The following LHFPL4 variants were observed in gnomAD, a reference collection of about 807,000 sequenced individuals.
The protein encoded by LHFPL4 is LHFPL tetraspan subfamily member 4 protein.
Under a neutral mutation model 20.0 loss-of-function variants are expected in LHFPL4, and 6 were observed. The observed-to-expected ratio is 0.30, with a 90% CI of 0.16 to 0.59. LHFPL4 has a LOEUF of 0.59. Ranked by LOEUF, LHFPL4 falls within the 20% of genes least tolerant of loss-of-function variation. LHFPL4 has a pLI of 0.88. For missense variants in LHFPL4, 215 were observed against 331.2 expected (o/e 0.65, Z 2.72); for synonymous variants, 129 against 143.8 (o/e 0.90, Z 0.74).
In LHFPL4 at chr3:9,513,895, C is replaced by G. The variant is rs1159292123; in HGVS notation, c.407-7692G>C. On this transcript the variant is annotated intron_variant, in intron 2 of 3. Transcript: ENST00000287585. ...TTGGTTTTGGGGTGTGAGGGTGGCA[C>G]GTGCACTCTTGTAAATGTACTTACT... Among the ~76,000 whole-genome samples, 15 of 152,188 alleles carry G rather than the reference C, an allele frequency of 9.9e-5. No individual in the cohort carries two copies. The South Asian group carries it at 3.1e-3, about 32-fold the overall frequency.
Position 9,506,988 on chromosome 3 carries a change from A to G in LHFPL4, c.407-785T>C, listed in dbSNP as rs1053991764. ...TATACTTTCATTCATGCAGTTGAGC[A>G]CTTTGCTAAGAGCACAGACTATGGA... On this transcript the variant is annotated intron_variant, in intron 2 of 3. Transcript: ENST00000287585. This position sits in a 1 kb window ranked among gnomAD's most constrained non-coding sequence, Gnocchi z 4.5. Among the ~76,000 whole-genome samples the G allele has an allele frequency of 1.3e-5, 2 of 152,222 alleles. No homozygotes were observed. Among genetic ancestry groups the G allele is most frequent in the Non-Finnish European group, 2.9e-5 (2 of 68,046 alleles).
At chr3:9,519,321 C>A (rs555685558) in intron 2 of LHFPL4, among the ~76,000 whole-genome samples, 6 of 151,356 alleles carry the variant, frequency 4.0e-5, no homozygotes, top group Admixed American at 2.0e-4. Flanking sequence ...GTGATCCACC[C>A]GCCTCAGCCT....
intron 2 of LHFPL4, among the ~76,000 whole-genome samples, chr3:9,507,242 C>T (rs908714080): frequency 3.3e-5 from 5 of 152,154 alleles, no homozygotes; most frequent in East Asian, 1.9e-4. Flanking sequence ...ACCAGGCCTG[C>T]GGGGTGGGGA....
At chr3:9,502,403 GCA>G in intron 3 of LHFPL4, 92 bp from the exon 4 acceptor site, 1 of 931,102 alleles carries the variant, frequency 1.1e-6, no homozygotes, top group Non-Finnish European at 1.7e-6. Flanking sequence ...ATTCCCCAGG[GCA>G]CAAGTGGGCA....
At chr3:9,549,818 T>C (rs2046541601) in intron 2 of LHFPL4, among the ~76,000 whole-genome samples, 1 of 152,244 alleles carries the variant, frequency 6.6e-6, no homozygotes, top group South Asian at 2.1e-4. Flanking sequence ...ATTTATCACT[T>C]TCTGAATGGA....
At chr3:9,503,737 T>C (rs1039534926) in intron 3 of LHFPL4, among the ~76,000 whole-genome samples, 4 of 152,350 alleles carry the variant, frequency 2.6e-5, no homozygotes, top group African/African-American at 9.6e-5. Context: ...TTATAAAGCA[T>C]ACAATGTGCC....
chr3:9,498,644 G>A lies in LHFPL4; in HGVS notation c.*3567C>T, dbSNP rs2046147946. On this transcript the variant is annotated 3_prime_UTR_variant, in exon 4 of 4. Coordinates refer to ENST00000287585, the MANE Select transcript of LHFPL4 (RefSeq NM_198560.3). ...AGTCCCACCCAAAGGTTAGCCGTGGGCCAGGCAGGGGCCTGCAGAAGTTTC... is the reference window on the plus strand; with the variant it reads ...AGTCCCACCCAAAGGTTAGCCGTGGACCAGGCAGGGGCCTGCAGAAGTTTC... 2 of 152,676 alleles carry A rather than the reference G, an allele frequency of 1.3e-5. No homozygotes were observed. Among genetic ancestry groups the A allele is most frequent in the African/African-American group, 4.8e-5 (2 of 41,442 alleles). 9.5% of individuals were successfully genotyped at this position (152,676 alleles called of 1,614,324 possible).
rs1325371502 is a variant in LHFPL4 at position 9,552,802 on chromosome 3, C to G, written c.-123G>C. The G allele has an allele frequency of 1.6e-5, 7 of 435,206 alleles. No homozygotes were observed. Among genetic ancestry groups the G allele is most frequent in the Middle Eastern group, 1.1e-3 (1 of 952 alleles). 27.0% of individuals were successfully genotyped at this position (435,206 alleles called of 1,614,324 possible). On this transcript the variant is annotated 5_prime_UTR_variant, in exon 2 of 4. Transcript: ENST00000287585. ...GAGAAGCGGCCCTGAGTCAAGGAAC[C>G]CGCGAGGGCGGGGCCTGGGGCAGAG...
chr3:9,553,056 G>A (rs2046567561), intron 1 of LHFPL4, among the ~76,000 whole-genome samples: 1 of 151,248 alleles, frequency 6.6e-6, no homozygotes, highest in Non-Finnish European at 1.5e-5. Flanking sequence ...TATTACGGGA[G>A]TAGGAGGGGA....
chr3:9,533,650 C>T (rs554223139), intron 2 of LHFPL4, among the ~76,000 whole-genome samples: 3 of 152,054 alleles, frequency 2.0e-5, no homozygotes, highest in African/African-American at 2.4e-5. Context: ...GGTGTGGTGG[C>T]GGGCGCCTGT....
At chr3:9,520,569 G>T (rs1161092277) in intron 2 of LHFPL4, among the ~76,000 whole-genome samples, 2 of 152,020 alleles carry the variant, frequency 1.3e-5, no homozygotes, top group Non-Finnish European at 2.9e-5. Context: ...AGCCAGGTTT[G>T]TCTTGAACTC....
chr3:9,541,424 G>A (rs1440490766), intron 2 of LHFPL4, among the ~76,000 whole-genome samples: 1 of 152,172 alleles, frequency 6.6e-6, no homozygotes, highest in Non-Finnish European at 1.5e-5. Context: ...ATAGCCACAT[G>A]CAAAAGAATG....
chr3:9,517,801 G>GT (rs1162876826), intron 2 of LHFPL4, among the ~76,000 whole-genome samples: 5 of 75,608 alleles, frequency 6.6e-5, no homozygotes, highest in East Asian at 4.8e-4. Flanking sequence ...GGGTTTTTTT[G>GT]TTTTTTGTTT....
intron 2 of LHFPL4, among the ~76,000 whole-genome samples, chr3:9,550,016 G>A (rs2046542692): frequency 6.6e-6 from 1 of 152,124 alleles, no homozygotes; most frequent in African/African-American, 2.4e-5. Context: ...ATAGGCATGA[G>A]CCACCATGCC....
chr3:9,543,639 A>G (rs1401924646), intron 2 of LHFPL4, among the ~76,000 whole-genome samples: 1 of 151,994 alleles, frequency 6.6e-6, no homozygotes, highest in South Asian at 2.1e-4. Flanking sequence ...GCTGCTCCCA[A>G]AGTACTCTGA....
chr3:9,504,552 A>T lies in LHFPL4; in HGVS notation c.643+1415T>A, dbSNP rs531097139. Among the ~76,000 whole-genome samples the T allele has an allele frequency of 4.6e-5, 7 of 152,206 alleles. 1 individual carries two copies. In the South Asian group the frequency reaches 1.5e-3, roughly 32 times the overall value. ...AAAAAATATACTGCCACAGCTGGGC[A>T]CGGTGGCTCACACCTGTAATCCCAG... On this transcript the variant is annotated intron_variant, in intron 3 of 3. Transcript: ENST00000287585.
chr3:9,523,549 T>G (rs949881225), intron 2 of LHFPL4, among the ~76,000 whole-genome samples: 8 of 149,750 alleles, frequency 5.3e-5, no homozygotes, highest in Non-Finnish European at 1.2e-4. Flanking sequence ...TTCAGCTCAC[T>G]GCAACCTCCG....
intron 2 of LHFPL4, among the ~76,000 whole-genome samples, chr3:9,510,398 T>C (rs1434440765): frequency 2.0e-5 from 3 of 149,630 alleles, no homozygotes; most frequent in East Asian, 4.0e-4. Flanking sequence ...AATTGCACCA[T>C]TGCACTACAG....
intron 1 of LHFPL4, among the ~76,000 whole-genome samples, chr3:9,553,404 G>A (rs570441158): frequency 1.3e-5 from 2 of 151,520 alleles, no homozygotes; most frequent in South Asian, 4.2e-4. Context: ...GGCGAGGAAG[G>A]GGGGGCTGTC....
Sources: allele counts gnomAD v4.1 joint callset (sites outside exome capture counted in the v4.1 genomes callset), GRCh38; gene constraint gnomAD v4.1.1; non-coding constraint Gnocchi (gnomAD v3.1); transcripts MANE v1.5; gene names NCBI Gene and HGNC (gene_info 2026-07-23, HGNC 2026-07-21).